Variants in ANKRD54 observed in about 807,000 individuals in gnomAD.
The protein encoded by ANKRD54 is ankyrin repeat domain 54.
ANKRD54 carries 26 observed loss-of-function variants against 36.2 expected under a neutral mutation model. The ratio of observed to expected loss-of-function variants is 0.72; its 90% CI spans 0.53 to 1.00. ANKRD54 has a LOEUF of 1.00. ANKRD54 is among the 50% of genes least tolerant of loss of function. ANKRD54 has a pLI of 0.00. For synonymous variants in ANKRD54, 209 were observed against 188.4 expected, an observed-to-expected ratio of 1.11 and a Z score of -0.89; for missense variants, 384 against 424.3, an observed-to-expected ratio of 0.91 and a Z score of 0.83.
intron 1 of ANKRD54, among the ~76,000 whole-genome samples, chr22:37,841,639 G>C (rs1030556526): frequency 6.6e-6 from 1 of 151,940 alleles, no homozygotes; most frequent in African/African-American, 2.4e-5. Context: ...CACGAGGTCA[G>C]GAGTTTGAGA....
chr22:37,841,531 A>AACACAC (rs754859182), intron 1 of ANKRD54, among the ~76,000 whole-genome samples: 1 of 140,976 alleles, frequency 7.1e-6, no homozygotes, highest in Non-Finnish European at 1.5e-5. Flanking sequence ...GTCTCACACA[A>AACACAC]ACACACACAC....
intron 3 of ANKRD54, among the ~76,000 whole-genome samples, chr22:37,835,480 T>C (rs1019847214): frequency 5.3e-5 from 8 of 152,148 alleles, no homozygotes; most frequent in Admixed American, 5.2e-4. Flanking sequence ...ATAAATGATT[T>C]CTAACCAGAA....
Position 37,838,507 on chromosome 22 carries a change from G to T in ANKRD54, c.468C>A (p.Asp156Glu). Residue 156 changes from aspartate to glutamate, a missense_variant, in exon 3 of 8, where the codon GAC becomes GAA. Asp to Glu is a conservative substitution (Grantham distance 45). Around this residue, in one of 3 missense-constraint regions of ANKRD54, gnomAD observed 179 missense variants for 224.0 expected, o/e 0.80. Coordinates refer to ENST00000215941, the MANE Select transcript of ANKRD54 (RefSeq NM_138797.4). ...TCCCTCCCCAGGACTCACCAATCTG[G>T]TCATTGCCATTGCATGAGGCAAAGT... ...ALHFASCNGNDQIVQLLLDHG... is the reference protein window; with the variant it reads ...ALHFASCNGNEQIVQLLLDHG... 1.2e-6 allele frequency: 2 copies of T among 1,611,546 alleles called. No individual in the cohort carries two copies. The highest frequency in any genetic ancestry group is 1.7e-6 in the Non-Finnish European group (2 of 1,178,984).
chr22:37,833,318 T>A, intron 4 of ANKRD54, 112 bp from the exon 5 acceptor site: 1 of 1,354,164 alleles, frequency 7.4e-7, no homozygotes, highest in Non-Finnish European at 1.0e-6. Flanking sequence ...AAGTTATGCC[T>A]ACTGAGAAGG....
At chr22:37,832,493 G>T in intron 7 of ANKRD54, 144 bp downstream of exon 7, 1 of 683,686 alleles carries the variant, frequency 1.5e-6, no homozygotes, top group Non-Finnish European at 2.4e-6. Flanking sequence ...CTCCCATAGC[G>T]TTGGGATTAC....
intron 1 of ANKRD54, among the ~76,000 whole-genome samples, chr22:37,841,264 G>C (rs1002282534): frequency 6.6e-6 from 1 of 151,992 alleles, no homozygotes; most frequent in Non-Finnish European, 1.5e-5. Context: ...GGTGACTCAC[G>C]CCTGTAATCC....
chr22:37,847,695 G>A (rs1924916501), upstream of ANKRD54: 1 of 484,968 alleles, frequency 2.1e-6, no homozygotes, highest in Non-Finnish European at 4.1e-6. Flanking sequence ...GACATTGTTG[G>A]GGACCCTCCC....
intron 2 of ANKRD54, among the ~76,000 whole-genome samples, 197 bp from the exon 3 acceptor site, chr22:37,838,795 T>C (rs1167689630): frequency 6.6e-6 from 1 of 152,162 alleles, no homozygotes; most frequent in Non-Finnish European, 1.5e-5. Context: ...CTGAAGGCCA[T>C]GGATTCTGAG....
intron 1 of ANKRD54, among the ~76,000 whole-genome samples, chr22:37,841,614 C>T (rs1346662055): frequency 6.6e-6 from 1 of 151,564 alleles, no homozygotes; most frequent in Non-Finnish European, 1.5e-5. Context: ...CTTTGAGAGG[C>T]CAAGGTGGGT....
upstream of ANKRD54, chr22:37,847,832 A>C: frequency 2.4e-6 from 1 of 408,790 alleles, no homozygotes; most frequent in East Asian, 6.9e-5. Flanking sequence ...CACAAGGAAG[A>C]AACACAAAAC....
At chr22:37,836,207 G>A (rs536980654) in intron 3 of ANKRD54, among the ~76,000 whole-genome samples, 1 of 150,350 alleles carries the variant, frequency 6.7e-6, no homozygotes, top group East Asian at 2.0e-4. Context: ...AGCGCTATGG[G>A]AGGCCGAGGC....
chr22:37,833,583 C>A, intron 4 of ANKRD54, 101 bp downstream of exon 4: 1 of 1,274,674 alleles, frequency 7.8e-7, no homozygotes, highest in South Asian at 1.2e-5. Context: ...TTCCCTGACA[C>A]TCACAGTTTC....
chr22:37,838,608 C>A lies in ANKRD54; in HGVS notation c.377-10G>T. 1 of 1,605,750 alleles carries A rather than the reference C, an allele frequency of 6.2e-7. No individual in the cohort carries two copies. Among genetic ancestry groups the A allele is most frequent in the Non-Finnish European group, 8.5e-7 (1 of 1,177,562 alleles). ...TCCAGCAGCTGCTGCACTGACACCACCAAGACAGAGGGAGGAAGGGGGAGA... is the reference window on the plus strand; with the variant it reads ...TCCAGCAGCTGCTGCACTGACACCAACAAGACAGAGGGAGGAAGGGGGAGA... On this transcript the variant is annotated splice_polypyrimidine_tract_variant and intron_variant, in intron 2 of 7. Transcript: ENST00000215941.
At position 37,843,989 on chromosome 22, in the gene ANKRD54, AGCGCAGCTCGTC is replaced by A; in HGVS notation, c.238_249del (p.Asp80_Arg83del). 1 of 1,422,604 alleles carries A rather than the reference AGCGCAGCTCGTC, an allele frequency of 7.0e-7. No individual in the cohort carries two copies. Among genetic ancestry groups the A allele is most frequent in the Non-Finnish European group, 9.2e-7 (1 of 1,092,404 alleles). 88.1% of individuals were successfully genotyped at this position (1,422,604 alleles called of 1,614,324 possible). A position where few individuals can be genotyped will look rare whatever the true frequency, so the allele number is the denominator to read the frequency against. On this transcript the variant is annotated inframe_deletion, in exon 1 of 8. Coordinates refer to ENST00000215941, the MANE Select transcript of ANKRD54 (RefSeq NM_138797.4). ...CTCAGCCGGCCAGCGGGTATCTTGC[AGCGCAGCTCGTC>A]GCGCGGCTCCGCATCCTGCTGCCAC...
At chr22:37,833,973 T>C (rs1486249620) in intron 3 of ANKRD54, 2 of 551,672 alleles carry the variant, frequency 3.6e-6, no homozygotes, top group African/African-American at 3.8e-5. Context: ...GGAGGGCCTC[T>C]TGGCCTATGC....
At chr22:37,845,304 G>A (rs1365837855), upstream of ANKRD54, among the ~76,000 whole-genome samples, 1 of 152,184 alleles carries the variant, frequency 6.6e-6, no homozygotes, top group Non-Finnish European at 1.5e-5. Context: ...TGGTGCCCCT[G>A]AGATGCTCAC....
chr22:37,833,894 C>T (rs1923210397), intron 3 of ANKRD54, 139 bp from the exon 4 acceptor site: 4 of 698,404 alleles, frequency 5.7e-6, no homozygotes, highest in South Asian at 5.2e-5. Context: ...TTCATTCATT[C>T]ACTCACTCAC....
At chr22:37,840,597 A>G (rs1288516543) in intron 1 of ANKRD54, among the ~76,000 whole-genome samples, 1 of 150,132 alleles carries the variant, frequency 6.7e-6, no homozygotes, top group Non-Finnish European at 1.5e-5. Flanking sequence ...AAAAAAACAC[A>G]GCCATTGGCT....
chr22:37,839,517 A>G (rs1431568090), intron 2 of ANKRD54, among the ~76,000 whole-genome samples: 1 of 152,016 alleles, frequency 6.6e-6, no homozygotes, highest in Admixed American at 6.6e-5. Context: ...CCTCCCAAGT[A>G]GCTGGCACTA....
Sources: allele counts gnomAD v4.1 joint callset (sites outside exome capture counted in the v4.1 genomes callset), GRCh38; gene constraint gnomAD v4.1.1; regional missense constraint gnomAD v4.1.1; transcripts MANE v1.5; gene names NCBI Gene and HGNC (gene_info 2026-07-23, HGNC 2026-07-21).